Variants in CTSS observed in about 807,000 individuals in gnomAD.
CTSS encodes the protein cathepsin S.
In CTSS, 15 loss-of-function variants were observed where a neutral mutation model predicts 39.9. The observed-to-expected ratio is 0.38, with a 90% CI of 0.25 to 0.58. The LOEUF (loss-of-function observed/expected upper bound fraction) is 0.58, where lower values mean the gene tolerates loss of function less well. Among genes scored for constraint, CTSS ranks in the 20% least tolerant of loss-of-function variants. The pLI, the probability that CTSS is intolerant of heterozygous loss-of-function variation, is 0.70. For missense variants in CTSS, 250 were observed against 398.2 expected (o/e 0.63, Z 3.17); for synonymous variants, 126 against 138.2 (o/e 0.91, Z 0.62).
At chr1:150,745,413 T>A (rs1652873911) in intron 7 of CTSS, among the ~76,000 whole-genome samples, 1 of 152,128 alleles carries the variant, frequency 6.6e-6, no homozygotes. Flanking sequence ...GTAATCCCAG[T>A]GCTCTGGGAG....
intron 5 of CTSS, among the ~76,000 whole-genome samples, chr1:150,751,372 C>A (rs189742530): frequency 6.6e-6 from 1 of 151,922 alleles, no homozygotes; most frequent in Non-Finnish European, 1.5e-5. Context: ...TTCAGCCTCC[C>A]GAGTAGCTGG....
Position 150,733,055 on chromosome 1 carries a change from T to C in CTSS, c.987A>G (p.Pro329=), listed in dbSNP as rs770213010. The stretch of plus-strand genomic sequence containing the variant: ...AAAAAGGAGAGATCCTCTAGATTTC[T>C]GGGTAAGAGGGAAAGCTAGCAATCC... ...HCGIASFPSY[P]EI Residue 329 remains proline, a synonymous_variant, in exon 8 of 8, where the codon CCA becomes CCG. Coordinates refer to ENST00000368985, the MANE Select transcript of CTSS (RefSeq NM_004079.5). 1 of 1,609,590 alleles carries C rather than the reference T, an allele frequency of 6.2e-7. No homozygotes were observed. The highest frequency in any genetic ancestry group is 8.5e-7 in the Non-Finnish European group (1 of 1,176,296).
At chr1:150,754,855 T>C in intron 4 of CTSS, 146 bp downstream of exon 4, 1 of 841,630 alleles carries the variant, frequency 1.2e-6, no homozygotes, top group Non-Finnish European at 1.8e-6. Context: ...TTAAGGAACT[T>C]ATAATTTAGT....
Position 150,747,937 on chromosome 1 carries a change from T to C in CTSS, c.794-58A>G, listed in dbSNP as rs1652922324. ...GAATACTATAGGATAATAAAGGGCA[T>C]TTTAAAACGGTATTACTTTTTATTA... On this transcript the variant is annotated intron_variant, in intron 6 of 7. Coordinates refer to ENST00000368985, the MANE Select transcript of CTSS (RefSeq NM_004079.5). 6 of 1,133,488 alleles carry C rather than the reference T, an allele frequency of 5.3e-6. No individual in the cohort carries two copies. In the Admixed American group the frequency reaches 1.2e-4, roughly 23 times the overall value. The allele number at this position is 1,133,488 out of a possible 1,614,324, so 70.2% of individuals were successfully genotyped here. A position where few individuals can be genotyped will look rare whatever the true frequency, so the allele number is the denominator to read the frequency against.
chr1:150,731,618 A>T lies in CTSS; in HGVS notation c.*1428T>A, dbSNP rs1652523409. On this transcript the variant is annotated 3_prime_UTR_variant, in exon 8 of 8. Transcript: ENST00000368985. ...CCCACACATTGTTCATGTCATAGAC[A>T]TGAACTTAAAAAATTTAAAGTTCCT... 6.6e-6 allele frequency: 1 copy of T among 152,252 alleles called. No individual in the cohort carries two copies. Among genetic ancestry groups the T allele is most frequent in the Non-Finnish European group, 1.5e-5 (1 of 68,046 alleles). The allele number at this position is 152,252 out of a possible 1,614,324, so 9.4% of individuals were successfully genotyped here.
chr1:150,753,474 A>G (rs1653049970), intron 4 of CTSS, among the ~76,000 whole-genome samples: 1 of 152,208 alleles, frequency 6.6e-6, no homozygotes. Flanking sequence ...GAAACTCACA[A>G]GTGAAATGGA....
intron 7 of CTSS, among the ~76,000 whole-genome samples, chr1:150,733,559 G>C (rs1652569382): frequency 6.6e-6 from 1 of 152,056 alleles, no homozygotes; most frequent in African/African-American, 2.4e-5. Context: ...ATTTTTGAGT[G>C]ACTACTATGA....
In CTSS at chr1:150,730,845, A is replaced by G. The variant is rs2101905690; in HGVS notation, c.*2201T>C. 2 of 152,036 alleles carry G rather than the reference A, an allele frequency of 1.3e-5. No individual in the cohort carries two copies. The highest frequency in any genetic ancestry group is 3.4e-3 in the Middle Eastern group (1 of 294). The allele number at this position is 152,036 out of a possible 1,614,324, so 9.4% of individuals were successfully genotyped here. A position where few individuals can be genotyped will look rare whatever the true frequency, so the allele number is the denominator to read the frequency against. On this transcript the variant is annotated 3_prime_UTR_variant, in exon 8 of 8. Transcript: ENST00000368985. ...CTATTTCAAATTTAGGATAGCTATTAACTCTTATTTAATGCATTTATAAAG... is the reference window on the plus strand; with the variant it reads ...CTATTTCAAATTTAGGATAGCTATTGACTCTTATTTAATGCATTTATAAAG...
chr1:150,733,267 G>T (rs1652563584), intron 7 of CTSS, 122 bp from the exon 8 acceptor site: 9 of 648,794 alleles, frequency 1.4e-5, no homozygotes, highest in Non-Finnish European at 2.4e-5. Flanking sequence ...AACAAAATTA[G>T]AATGAAATAA....
intron 7 of CTSS, among the ~76,000 whole-genome samples, chr1:150,745,101 C>T (rs911700301): frequency 2.6e-5 from 4 of 152,046 alleles, no homozygotes; most frequent in Non-Finnish European, 4.4e-5. Context: ...ATGGGCCATA[C>T]GAATATCATC....
At chr1:150,735,525 C>T (rs1271004519) in intron 7 of CTSS, among the ~76,000 whole-genome samples, 2 of 152,168 alleles carry the variant, frequency 1.3e-5, no homozygotes, top group African/African-American at 4.8e-5. Flanking sequence ...GCTCTCCATG[C>T]CTTTACAATA....
At chr1:150,746,101 C>T (rs1032821271) in intron 7 of CTSS, among the ~76,000 whole-genome samples, 5 of 152,088 alleles carry the variant, frequency 3.3e-5, no homozygotes, top group Admixed American at 3.3e-4. Flanking sequence ...TTTTTTAGAT[C>T]CCACATATAA....
At position 150,730,787 on chromosome 1, in the gene CTSS, A is replaced by C. The variant is rs1652502013; in HGVS notation, c.*2259T>G. The C allele has an allele frequency of 6.6e-6, 1 of 152,158 alleles. No homozygotes were observed. The highest frequency in any genetic ancestry group is 1.5e-5 in the Non-Finnish European group (1 of 68,032). 9.4% of individuals were successfully genotyped at this position (152,158 alleles called of 1,614,324 possible). On this transcript the variant is annotated 3_prime_UTR_variant, in exon 8 of 8. Coordinates refer to ENST00000368985, the MANE Select transcript of CTSS (RefSeq NM_004079.5). Reference sequence around the variant, plus strand: ...AACCCAGATATTTTCATATCACATTAGTTTTTTGCATCTATTTTCATTATG... The same window carrying C: ...AACCCAGATATTTTCATATCACATTCGTTTTTTGCATCTATTTTCATTATG...
At chr1:150,743,548 G>T (rs890455876) in intron 7 of CTSS, among the ~76,000 whole-genome samples, 4 of 134,166 alleles carry the variant, frequency 3.0e-5, no homozygotes, top group South Asian at 2.2e-4. Context: ...TTTATATATA[G>T]AGAGATTTAT....
Position 150,764,740 on chromosome 1 carries a change from G to A in CTSS, c.24C>T (p.Leu8=). 1 of 1,614,072 alleles carries A rather than the reference G, an allele frequency of 6.2e-7. No homozygotes were observed. Among genetic ancestry groups the A allele is most frequent in the Non-Finnish European group, 8.5e-7 (1 of 1,179,984 alleles). The part of the protein sequence containing the change: MKRLVCV[L]LVCSSAVAQL... ...GTGCCACTGCAGAGGAGCACACCAA[G>A]AGCACACAAACCAGCCGTTTCATTC... The change falls in exon 2 of 8, where the codon CTC becomes CTT. Residue 8 remains leucine, a synonymous_variant. Coordinates refer to ENST00000368985, the MANE Select transcript of CTSS (RefSeq NM_004079.5).
At chr1:150,756,043 C>T (rs1349850009) in intron 3 of CTSS, among the ~76,000 whole-genome samples, 1 of 152,022 alleles carries the variant, frequency 6.6e-6, no homozygotes, top group Non-Finnish European at 1.5e-5. Context: ...TACAGCTGTA[C>T]GAAAATATTT....
chr1:150,745,567 T>G (rs1055747435), intron 7 of CTSS, among the ~76,000 whole-genome samples: 2 of 151,966 alleles, frequency 1.3e-5, no homozygotes, highest in Non-Finnish European at 2.9e-5. Flanking sequence ...GTGGCTGATG[T>G]GGGAGGATTG....
chr1:150,757,992 TGAA>T lies in CTSS; in HGVS notation c.127-15_127-13del, dbSNP rs775439611. ...ACTGCTTCTTCATTCTAAAACATAA[TGAA>T]GAAGAACATAGTCATACTGCATCCT... On this transcript the variant is annotated splice_polypyrimidine_tract_variant and intron_variant, in intron 2 of 7. Coordinates refer to ENST00000368985, the MANE Select transcript of CTSS (RefSeq NM_004079.5). The T allele has an allele frequency of 2.2e-5, 35 of 1,612,224 alleles. No individual in the cohort carries two copies. The highest frequency in any genetic ancestry group is 3.0e-5 in the Non-Finnish European group (35 of 1,179,398).
In CTSS at chr1:150,757,952, C is replaced by T. The variant is rs946930561; in HGVS notation, c.155G>A (p.Trp52Ter). ...CATCACAAACTTTAGATTCTTTTCC[C>T]AGATGAGACGTCGTACTGCTTCTTC... ...KNEEAVRRLI[W>*]EKNLKFVMLH... Residue 52 changes from tryptophan to a stop codon, truncating the protein, a stop_gained, in exon 3 of 8, where the codon TGG (tryptophan) becomes TAG (stop). Coordinates refer to ENST00000368985, the MANE Select transcript of CTSS (RefSeq NM_004079.5). LOFTEE classifies it high-confidence loss of function. 2 of 1,613,778 alleles carry T rather than the reference C, an allele frequency of 1.2e-6. No individual in the cohort carries two copies. The highest frequency in any genetic ancestry group is 2.7e-5 in the African/African-American group (2 of 74,882).
Sources: gnomAD v4.1 joint callset for allele counts (sites outside exome capture counted in the v4.1 genomes callset) on GRCh38, gnomAD v4.1.1 for gene constraint, MANE v1.5 for transcripts, NCBI Gene and HGNC (gene_info 2026-07-23, HGNC 2026-07-21) for gene names.